ERO1A: variants seen among roughly 807,000 people sequenced by gnomAD.
ERO1A encodes the protein endoplasmic reticulum oxidoreductase 1 alpha, also known as ERO1-like protein alpha.
ERO1A carries 49 observed loss-of-function variants against 76.9 expected under a neutral mutation model. The observed-to-expected ratio is 0.64, with a 90% CI of 0.51 to 0.81. The LOEUF (loss-of-function observed/expected upper bound fraction) is 0.81. Among genes scored for constraint, ERO1A ranks in the 30% least tolerant of loss-of-function variants. ERO1A has a pLI of 0.00. For missense variants in ERO1A, 448 were observed against 542.1 expected (o/e 0.83, Z 1.72); for synonymous variants, 174 against 181.2 (o/e 0.96, Z 0.32).
intron 12 of ERO1A, 140 bp from the exon 13 acceptor site, chr14:52,652,448 C>T (rs186089630): frequency 5.2e-4 from 299 of 578,742 alleles, no homozygotes; most frequent in Middle Eastern, 1.4e-3. Context: ...AAATCAAATT[C>T]TTATCCTCAA....
chr14:52,682,062 G>A (rs1386116048), intron 3 of ERO1A, among the ~76,000 whole-genome samples: 2 of 152,018 alleles, frequency 1.3e-5, no homozygotes, highest in African/African-American at 4.8e-5. Context: ...TTAAACTAAG[G>A]ACTGCACGAT....
intron 11 of ERO1A, among the ~76,000 whole-genome samples, chr14:52,656,808 C>T (rs2040065827): frequency 6.6e-6 from 1 of 151,996 alleles, no homozygotes; most frequent in Non-Finnish European, 1.5e-5. Flanking sequence ...CGGCTATAAT[C>T]CCAGTACTCT....
intron 13 of ERO1A, among the ~76,000 whole-genome samples, chr14:52,648,623 A>C (rs1253012195): frequency 6.6e-6 from 1 of 151,934 alleles, no homozygotes; most frequent in Non-Finnish European, 1.5e-5. Context: ...ATCAACAGAT[A>C]CTAAAAATAC....
intron 4 of ERO1A, among the ~76,000 whole-genome samples, chr14:52,676,526 G>T (rs1212573353): frequency 6.6e-6 from 1 of 152,196 alleles, no homozygotes; most frequent in African/African-American, 2.4e-5. Flanking sequence ...TCCCAAGGCT[G>T]TAAGGAGGCA....
intron 1 of ERO1A, among the ~76,000 whole-genome samples, chr14:52,685,109 T>C (rs931075490): frequency 6.6e-6 from 1 of 152,134 alleles, no homozygotes; most frequent in South Asian, 2.1e-4. Flanking sequence ...TAATACTCTA[T>C]TGAAATACTG....
rs532079381 is a variant in ERO1A, at chr14:52,666,392, G to A, written c.612C>T (p.Tyr204=). The part of the protein sequence containing the change: ...PDAWKIWNVI[Y]EENCFKPQTI... ...ACACATACTTAAAACAGTTTTCTTC[G>A]TAGATGACATTCCATATTTTCCAAG... Residue 204 remains tyrosine, a synonymous_variant, in exon 7 of 16, where the codon TAC becomes TAT. Transcript: ENST00000395686. 3.8e-5 allele frequency: 61 copies of A among 1,605,114 alleles called. No individual in the cohort carries two copies. Among genetic ancestry groups the A allele is most frequent in the East Asian group, 1.1e-4 (5 of 44,660 alleles).
chr14:52,693,249 C>A (rs1166211556), intron 1 of ERO1A, among the ~76,000 whole-genome samples: 1 of 151,942 alleles, frequency 6.6e-6, no homozygotes, highest in Non-Finnish European at 1.5e-5. Flanking sequence ...GCAGACCCAC[C>A]CTTAATCTGG....
At position 52,658,135 on chromosome 14, in the gene ERO1A, C is replaced by A; in HGVS notation, c.704G>T (p.Ser235Ile). 1 of 1,504,870 alleles carries A rather than the reference C, an allele frequency of 6.6e-7. No individual in the cohort carries two copies. Among genetic ancestry groups the A allele is most frequent in the Non-Finnish European group, 9.1e-7 (1 of 1,094,922 alleles). 93.2% of individuals were successfully genotyped at this position (1,504,870 alleles called of 1,614,324 possible). The change falls in exon 10 of 16, where the codon AGT becomes ATT. Residue 235 changes from serine (S) to isoleucine (I), a missense_variant. Coordinates refer to ENST00000395686, the MANE Select transcript of ERO1A (RefSeq NM_014584.3). ...AAGTTTCTAATTACCTTCTAGCCAA[C>A]TGTAAAAAGTGTTCTCTGAAATCAA... ...QGTSEENTFY[S>I]WLEGLCVEKR...
At chr14:52,644,368 T>C (rs887208802) in intron 15 of ERO1A, among the ~76,000 whole-genome samples, 1 of 152,112 alleles carries the variant, frequency 6.6e-6, no homozygotes, top group Non-Finnish European at 1.5e-5. Flanking sequence ...TGGGAGAATC[T>C]ATTGAGCCTG....
chr14:52,673,052 A>G (rs2040661720), intron 4 of ERO1A, among the ~76,000 whole-genome samples: 1 of 151,914 alleles, frequency 6.6e-6, no homozygotes, highest in African/African-American at 2.4e-5. Context: ...TTTTGTAGGT[A>G]TAAATTTAAA....
chr14:52,680,265 T>C (rs1245794175), intron 3 of ERO1A, among the ~76,000 whole-genome samples: 1 of 152,160 alleles, frequency 6.6e-6, no homozygotes, highest in African/African-American at 2.4e-5. Flanking sequence ...TAAATATATA[T>C]TTAACATTTC....
At chr14:52,693,002 C>CTTTTTTTT (rs559143853) in intron 1 of ERO1A, among the ~76,000 whole-genome samples, 104 of 85,734 alleles carry the variant, frequency 1.2e-3, no homozygotes, top group African/African-American at 1.6e-3. Context: ...AAATAGACAA[C>CTTTTTTTT]TTTTTTTTTT....
chr14:52,642,091 T>C lies in ERO1A; in HGVS notation c.*1479A>G, dbSNP rs950907531. 6.6e-6 allele frequency: 1 copy of C among 152,238 alleles called. No homozygotes were observed. Among genetic ancestry groups the C allele is most frequent in the Non-Finnish European group, 1.5e-5 (1 of 68,038 alleles). 9.4% of individuals were successfully genotyped at this position (152,238 alleles called of 1,614,324 possible). ...AAAGAGGGCACGATTTTGAGGTATA[T>C]AGCTTCTTTTTCTCTACAATTACCA... is the stretch of plus-strand genomic sequence containing the variant. On this transcript the variant is annotated 3_prime_UTR_variant, in exon 16 of 16. Transcript: ENST00000395686.
intron 13 of ERO1A, among the ~76,000 whole-genome samples, chr14:52,648,364 G>C (rs1218408495): frequency 6.6e-6 from 1 of 152,038 alleles, no homozygotes; most frequent in Non-Finnish European, 1.5e-5. Flanking sequence ...AATAATAACA[G>C]AGTAAGAAAG....
At chr14:52,669,926 T>C (rs1245537610) in intron 6 of ERO1A, among the ~76,000 whole-genome samples, 1 of 152,202 alleles carries the variant, frequency 6.6e-6, no homozygotes, top group Non-Finnish European at 1.5e-5. Context: ...CACTAATTTT[T>C]TGTTGTGTTG....
At chr14:52,669,619 C>T (rs939376911) in intron 6 of ERO1A, among the ~76,000 whole-genome samples, 2 of 152,020 alleles carry the variant, frequency 1.3e-5, no homozygotes, top group South Asian at 2.1e-4. Flanking sequence ...TCCAGCTGGA[C>T]CTGGGGGAGC....
At chr14:52,654,857 T>C (rs2039991248) in intron 11 of ERO1A, among the ~76,000 whole-genome samples, 1 of 152,220 alleles carries the variant, frequency 6.6e-6, no homozygotes, top group Admixed American at 6.5e-5. Flanking sequence ...TTTCTCACTG[T>C]TGTCTTCATG....
chr14:52,695,459 A>G lies in ERO1A; in HGVS notation c.23T>C (p.Leu8Ser). 1 of 1,539,564 alleles carries G rather than the reference A, an allele frequency of 6.5e-7. No homozygotes were observed. The highest frequency in any genetic ancestry group is 8.8e-7 in the Non-Finnish European group (1 of 1,142,370). The change falls in exon 1 of 16, where the codon TTG (leucine) becomes TCG (serine). Residue 8 changes from leucine (L) to serine (S), a missense_variant. By Grantham distance (145) the Leu-to-Ser change is moderately radical. Coordinates refer to ENST00000395686, the MANE Select transcript of ERO1A (RefSeq NM_014584.3). ...CCACACGGCGCCCAGGAGGCCAAAC[A>G]AGAATCCCCAGCCGCGGCCCATTGC... MGRGWGF[L>S]FGLLGAVWLL... is the part of the protein sequence containing the mutation.
rs2039497424 is a variant in ERO1A, at chr14:52,642,181, C to A, written c.*1389G>T. The A allele has an allele frequency of 6.6e-6, 1 of 152,090 alleles. No individual in the cohort carries two copies. The highest frequency in any genetic ancestry group is 2.4e-5 in the African/African-American group (1 of 41,400). 9.4% of individuals were successfully genotyped at this position (152,090 alleles called of 1,614,324 possible). On this transcript the variant is annotated 3_prime_UTR_variant, in exon 16 of 16. Transcript: ENST00000395686. ...AATGAAGAGCTTCCACTAATGAAAA[C>A]CTCCCAAAATTACAGTTCAGTTTTA...
Sources: gnomAD v4.1 joint callset for allele counts (sites outside exome capture counted in the v4.1 genomes callset) on GRCh38, gnomAD v4.1.1 for gene constraint, MANE v1.5 for transcripts, NCBI Gene and HGNC (gene_info 2026-07-23, HGNC 2026-07-21) for gene names.